Variants in PRICKLE2 observed in about 807,000 individuals in gnomAD.
PRICKLE2 encodes the protein prickle-like protein 2.
A neutral mutation model predicts 81.4 loss-of-function variants in PRICKLE2; 21 were observed. The observed-to-expected ratio is 0.26, with a 90% CI of 0.18 to 0.37. The LOEUF (loss-of-function observed/expected upper bound fraction) is 0.37, where lower values mean the gene tolerates loss of function less well. PRICKLE2 is among the 10% of genes least tolerant of loss of function. The pLI is 1.00. For synonymous variants in PRICKLE2, 456 were observed against 421.5 expected (o/e 1.08, Z -1.00); for missense variants, 940 against 1,109.0 (o/e 0.85, Z 2.16).
At chr3:64,217,360 A>G (rs1300962471) in intron 1 of PRICKLE2, among the ~76,000 whole-genome samples, 1 of 152,216 alleles carries the variant, frequency 6.6e-6, no homozygotes, top group Non-Finnish European at 1.5e-5. Flanking sequence ...TTTAGGGGGT[A>G]CAAGTGCAGT....
chr3:64,250,293 A>G (rs945208955), intron 2 of PRICKLE2, among the ~76,000 whole-genome samples: 2 of 152,222 alleles, frequency 1.3e-5, no homozygotes, highest in African/African-American at 4.8e-5. Flanking sequence ...GATATTTAGC[A>G]GCATCTCTGA....
chr3:64,220,704 G>T (rs1350841206), intron 1 of PRICKLE2, among the ~76,000 whole-genome samples: 1 of 152,160 alleles, frequency 6.6e-6, no homozygotes, highest in Non-Finnish European at 1.5e-5. Context: ...GGCCAGCCCT[G>T]ATTTTCTTCA....
intron 7 of PRICKLE2, among the ~76,000 whole-genome samples, chr3:64,119,614 G>T (rs2076994482): frequency 6.6e-6 from 1 of 152,170 alleles, no homozygotes; most frequent in South Asian, 2.1e-4. Context: ...TGGTGCAAAT[G>T]TAAGTGAGTT....
At position 64,099,107 on chromosome 3, in the gene PRICKLE2, T is replaced by C. The variant is rs777032629; in HGVS notation, c.2479A>G (p.Arg827Gly). The change falls in exon 8 of 8, where the codon AGA becomes GGA. Residue 827 changes from arginine (R) to glycine (G), a missense_variant. By Grantham distance (125) the Arg-to-Gly change is moderately radical (BLOSUM62 -2). Around this residue, in one of 2 missense-constraint regions of PRICKLE2, gnomAD observed 670 missense variants for 717.2 expected, o/e 0.93. Coordinates refer to ENST00000638394, the MANE Select transcript of PRICKLE2 (RefSeq NM_198859.4). The surrounding 1 kb of genome is among the most constrained non-coding windows in gnomAD (Gnocchi z 4.3). ...GLPKSSTLGG[R>G]GQLHSRKRQK... ...CTTTTCCTGCTGTGCAACTGTCCTC[T>C]GCCACCTAATGTGGAAGATTTGGGG... 1 of 1,614,116 alleles carries C rather than the reference T, an allele frequency of 6.2e-7. No individual in the cohort carries two copies. Among genetic ancestry groups the C allele is most frequent in the East Asian group, 2.2e-5 (1 of 44,892 alleles).
At chr3:64,184,049 G>T (rs1173443346) in intron 2 of PRICKLE2, among the ~76,000 whole-genome samples, 1 of 152,164 alleles carries the variant, frequency 6.6e-6, no homozygotes, top group African/African-American at 2.4e-5. Flanking sequence ...GTTCTGTCTT[G>T]TTTTGCTTAT....
intron 7 of PRICKLE2, among the ~76,000 whole-genome samples, chr3:64,144,010 G>A (rs1284822894): frequency 1.3e-5 from 2 of 150,956 alleles, no homozygotes; most frequent in East Asian, 1.9e-4. Flanking sequence ...TTTGTTCTTG[G>A]ACAAATGGGA....
intron 2 of PRICKLE2, among the ~76,000 whole-genome samples, chr3:64,252,975 T>A (rs1337732470): frequency 2.6e-5 from 4 of 152,204 alleles, no homozygotes; most frequent in Admixed American, 2.0e-4. Context: ...GAGTCATAAT[T>A]TGCATACCAT....
In PRICKLE2 at chr3:64,094,650, G is replaced by T. The variant is rs1257865733; in HGVS notation, c.*4401C>A. ...CTACTATTATGAGAAAATGGAAAAA[G>T]AATCCAATTTTTTCTTGATCTTTAC... is the stretch of plus-strand genomic sequence containing the variant. On this transcript the variant is annotated 3_prime_UTR_variant, in exon 8 of 8. Coordinates refer to ENST00000638394, the MANE Select transcript of PRICKLE2 (RefSeq NM_198859.4). The T allele has an allele frequency of 6.6e-6, 1 of 152,390 alleles. No individual in the cohort carries two copies. Among genetic ancestry groups the T allele is most frequent in the South Asian group, 2.1e-4 (1 of 4,822 alleles). The allele number at this position is 152,390 out of a possible 1,614,324, so 9.4% of individuals were successfully genotyped here.
intron 7 of PRICKLE2, among the ~76,000 whole-genome samples, chr3:64,121,523 C>G (rs1413732512): frequency 2.3e-5 from 3 of 131,672 alleles, no homozygotes; most frequent in African/African-American, 7.9e-5. Flanking sequence ...TTCAGCCAAA[C>G]TGGAGCCTAA....
At chr3:64,135,431 C>A (rs1486838490) in intron 7 of PRICKLE2, among the ~76,000 whole-genome samples, 2 of 152,082 alleles carry the variant, frequency 1.3e-5, no homozygotes, top group Non-Finnish European at 2.9e-5. Context: ...GAGAAATACA[C>A]CTGCCTTAGC....
In PRICKLE2 at chr3:64,162,593, A is replaced by G. The variant is rs1335029895; in HGVS notation, c.258+423T>C. Among the ~76,000 whole-genome samples the G allele has an allele frequency of 2.0e-5, 3 of 152,224 alleles. No homozygotes were observed. In the East Asian group the frequency reaches 5.8e-4, roughly 29 times the overall value. On this transcript the variant is annotated intron_variant, in intron 3 of 7. Coordinates refer to ENST00000638394, the MANE Select transcript of PRICKLE2 (RefSeq NM_198859.4). ...TGTAGTGTGGAAAACTTGCACGCTC[A>G]TTTAATATGAAATGATGCCGAAAAT...
At chr3:64,102,090 C>T (rs2076674937) in intron 7 of PRICKLE2, 1 of 152,066 alleles carries the variant, frequency 6.6e-6, no homozygotes, top group Admixed American at 6.6e-5. Flanking sequence ...AAAGGAGGGA[C>T]ATTTGTTATG....
intron 2 of PRICKLE2, among the ~76,000 whole-genome samples, chr3:64,250,735 T>C (rs960527619): frequency 2.0e-5 from 3 of 152,212 alleles, no homozygotes; most frequent in African/African-American, 7.2e-5. Flanking sequence ...CTGTAGTGCA[T>C]GGAGTCCGAC....
At chr3:64,216,174 C>T (rs542889058) in intron 1 of PRICKLE2, among the ~76,000 whole-genome samples, 1 of 152,290 alleles carries the variant, frequency 6.6e-6, no homozygotes, top group South Asian at 2.1e-4. Context: ...TCACATTAAC[C>T]TGTAGAGATT....
At chr3:64,132,611 A>G (rs2077212916) in intron 7 of PRICKLE2, among the ~76,000 whole-genome samples, 1 of 152,254 alleles carries the variant, frequency 6.6e-6, no homozygotes, top group Admixed American at 6.5e-5. Flanking sequence ...ATATTTGTTG[A>G]AAACATGAAT....
intron 2 of PRICKLE2, among the ~76,000 whole-genome samples, chr3:64,180,491 G>A (rs924585251): frequency 5.9e-5 from 9 of 151,634 alleles, no homozygotes; most frequent in Admixed American, 1.3e-4. Flanking sequence ...TCAGCCCTTG[G>A]AAGCCACCAT....
chr3:64,132,224 G>A (rs2106987729), intron 7 of PRICKLE2, among the ~76,000 whole-genome samples: 1 of 151,888 alleles, frequency 6.6e-6, no homozygotes, highest in South Asian at 2.1e-4. Context: ...TTTTTTCTTT[G>A]CAACTTATCA....
chr3:64,109,608 G>A (rs994788008), intron 7 of PRICKLE2, among the ~76,000 whole-genome samples: 12 of 152,156 alleles, frequency 7.9e-5, no homozygotes, highest in African/African-American at 2.9e-4. Context: ...GAGGAGGGGA[G>A]TGTGCATAAC....
intron 2 of PRICKLE2, among the ~76,000 whole-genome samples, chr3:64,236,513 A>T (rs2079181687): frequency 6.6e-6 from 1 of 152,198 alleles, no homozygotes. Context: ...AAAAAAAGAG[A>T]ATGAGGAATG....
Sources: allele counts gnomAD v4.1 joint callset (sites outside exome capture counted in the v4.1 genomes callset), GRCh38; gene constraint gnomAD v4.1.1; regional missense constraint gnomAD v4.1.1; non-coding constraint Gnocchi (gnomAD v3.1); transcripts MANE v1.5; gene names NCBI Gene and HGNC (gene_info 2026-07-23, HGNC 2026-07-21).